Variants in ZFHX3 observed in about 807,000 individuals in gnomAD.
The protein encoded by ZFHX3 is zinc finger homeobox 3, also known as zinc finger homeobox protein 3.
In ZFHX3, 42 loss-of-function variants were observed where a neutral mutation model predicts 279.1. That is an observed-to-expected ratio of 0.15 (90% confidence interval 0.12 to 0.19). The LOEUF (loss-of-function observed/expected upper bound fraction) is 0.19. ZFHX3 is among the 10% of genes least tolerant of loss of function. The pLI is 1.00. For missense variants in ZFHX3, 4,981 were observed against 4,754.0 expected (o/e 1.05, Z -1.40); for synonymous variants, 2,293 against 1,957.8 (o/e 1.17, Z -4.52).
At chr16:73,817,361 T>C (rs1356003278) in intron 1 of ZFHX3, among the ~76,000 whole-genome samples, 1 of 152,228 alleles carries the variant, frequency 6.6e-6, no homozygotes, top group Non-Finnish European at 1.5e-5. Flanking sequence ...AGCAGTTTGC[T>C]ACTTCTCAAA....
Position 73,530,383 on chromosome 16 carries a change from C to T in ZFHX3, c.-1546-74125G>A, listed in dbSNP as rs147972049. On this transcript the variant is annotated intron_variant, in intron 2 of 17. Coordinates refer to the ZFHX3 transcript ENST00000641206. ...CAAACAATATGGGAACACAGCCAAA[C>T]GGAAGTTAATTACCTCCTCTAAGCA... 8.4e-3 allele frequency among the ~76,000 whole-genome samples: 1,272 copies of T among 152,242 alleles called. 10 individuals are homozygous for T. Among genetic ancestry groups the T allele is most frequent in the African/African-American group, 0.029 (1,186 of 41,538 alleles).
intron 2 of ZFHX3, among the ~76,000 whole-genome samples, chr16:73,481,317 A>G (rs8047259): frequency 0.23 from 34,253 of 148,028 alleles, 4,453 homozygotes; most frequent in East Asian, 0.61. Flanking sequence ...CAACAGAGTG[A>G]GACTCCATCT....
chr16:73,697,416 T>C (rs1567554769), intron 1 of ZFHX3, among the ~76,000 whole-genome samples: 1 of 152,210 alleles, frequency 6.6e-6, no homozygotes, highest in Non-Finnish European at 1.5e-5. Context: ...AGCACATATA[T>C]TGACCTGTCA....
chr16:72,864,988 G>A (rs1171305019), intron 4 of ZFHX3, among the ~76,000 whole-genome samples: 1 of 152,220 alleles, frequency 6.6e-6, no homozygotes, highest in African/African-American at 2.4e-5. Flanking sequence ...CCAAATGGGT[G>A]TTAGGTGAGG....
At chr16:73,143,657 G>T in intron 6 of ZFHX3, 1 of 876,754 alleles carries the variant, frequency 1.1e-6, no homozygotes, top group Non-Finnish European at 1.7e-6. Context: ...GGTTTTGTTT[G>T]GTGTCCTTGT....
chr16:72,931,404 T>TACACACACACACACACAC (rs59696404), intron 3 of ZFHX3, among the ~76,000 whole-genome samples: 3 of 120,106 alleles, frequency 2.5e-5, no homozygotes, highest in Non-Finnish European at 5.2e-5. Context: ...TTTATTTCAT[T>TACACACACACACACACAC]ACACACACAC....
chr16:73,649,488 G>C (rs2052650959), intron 2 of ZFHX3, among the ~76,000 whole-genome samples: 1 of 152,194 alleles, frequency 6.6e-6, no homozygotes, highest in African/African-American at 2.4e-5. Context: ...ATTTTCAAGT[G>C]ATTGTCTTTG....
chr16:73,441,591 G>T lies in ZFHX3; in HGVS notation c.-1291+14412C>A, dbSNP rs141718191. ...TTCACAAGCAAACTCCAAGCCAGGG[G>T]TAACGACGCATACCAATAGGAAGTT... is the stretch of plus-strand genomic sequence containing the variant. On this transcript the variant is annotated intron_variant, in intron 3 of 17. Coordinates refer to the ZFHX3 transcript ENST00000641206. Among the ~76,000 whole-genome samples, 21 of 152,212 alleles carry T rather than the reference G, an allele frequency of 1.4e-4. No individual in the cohort carries two copies. In the East Asian group the frequency reaches 4.1e-3, roughly 30 times the overall value.
chr16:73,646,128 G>A (rs1173477896), intron 2 of ZFHX3, among the ~76,000 whole-genome samples: 1 of 152,084 alleles, frequency 6.6e-6, no homozygotes, highest in Non-Finnish European at 1.5e-5. Context: ...TAAGTGAACT[G>A]GTGAACAAAT....
chr16:73,305,231 G>A (rs548111180), intron 4 of ZFHX3, among the ~76,000 whole-genome samples: 30 of 152,240 alleles, frequency 2.0e-4, no homozygotes, highest in South Asian at 6.2e-4. Flanking sequence ...TCCTCAGGAC[G>A]GAAGCAATTC....
At chr16:72,867,413 G>C (rs2038049153) in intron 4 of ZFHX3, among the ~76,000 whole-genome samples, 1 of 152,196 alleles carries the variant, frequency 6.6e-6, no homozygotes, top group Non-Finnish European at 1.5e-5. Flanking sequence ...GATTTTATAA[G>C]TGTGTCCCCT....
At chr16:73,327,463 T>C (rs957299562) in intron 3 of ZFHX3, among the ~76,000 whole-genome samples, 2 of 152,178 alleles carry the variant, frequency 1.3e-5, no homozygotes, top group African/African-American at 2.4e-5. Flanking sequence ...CCTGCCATAT[T>C]GAAAACATGG....
chr16:73,057,907 G>A (rs1315252310), intron 1 of ZFHX3, among the ~76,000 whole-genome samples: 1 of 148,770 alleles, frequency 6.7e-6, no homozygotes, highest in East Asian at 1.9e-4. Context: ...CGCGGCGACT[G>A]CTCCGGGCCG....
At chr16:73,135,516 G>C (rs551024019) in intron 6 of ZFHX3, among the ~76,000 whole-genome samples, 34 of 152,272 alleles carry the variant, frequency 2.2e-4, no homozygotes, top group Admixed American at 6.5e-4. Flanking sequence ...CCAAGCTTTC[G>C]ACCCTGCTGC....
At chr16:73,214,284 C>G (rs373767756) in intron 5 of ZFHX3, among the ~76,000 whole-genome samples, 3 of 152,216 alleles carry the variant, frequency 2.0e-5, no homozygotes, top group East Asian at 3.9e-4. Context: ...GGCTACCAGG[C>G]TGGATGCAGT....
chr16:73,729,988 T>G (rs1278443370), intron 1 of ZFHX3, among the ~76,000 whole-genome samples: 1 of 152,150 alleles, frequency 6.6e-6, no homozygotes, highest in African/African-American at 2.4e-5. Flanking sequence ...CAAATGGGAT[T>G]AACTCTACTA....
At chr16:73,378,069 A>G (rs939615354) in intron 3 of ZFHX3, among the ~76,000 whole-genome samples, 2 of 145,326 alleles carry the variant, frequency 1.4e-5, no homozygotes, top group Non-Finnish European at 3.0e-5. Flanking sequence ...AAAAAAAAAA[A>G]TCTTATACAC....
rs145585863 is a variant in ZFHX3, at chr16:73,515,757, G to A, written c.-1546-59499C>T. 1.4e-3 allele frequency among the ~76,000 whole-genome samples: 214 copies of A among 152,278 alleles called. 2 individuals are homozygous for A. The highest frequency in any genetic ancestry group is 4.9e-3 in the African/African-American group (205 of 41,562). ...TTTAAAATCTGTCATAGAGGAATCT[G>A]GGACTCTATTTAGGAGACGTTTCTT... On this transcript the variant is annotated intron_variant, in intron 2 of 17. Transcript: ENST00000641206.
At chr16:73,353,065 C>G (rs2016277107) in intron 3 of ZFHX3, among the ~76,000 whole-genome samples, 1 of 152,158 alleles carries the variant, frequency 6.6e-6, no homozygotes, top group African/African-American at 2.4e-5. Context: ...TCCACACAGG[C>G]AGTGACAATG....
Sources: allele counts gnomAD v4.1 joint callset (sites outside exome capture counted in the v4.1 genomes callset), GRCh38; gene constraint gnomAD v4.1.1; transcripts MANE v1.5; gene names NCBI Gene and HGNC (gene_info 2026-07-23, HGNC 2026-07-21).